AGBL1: variants seen among roughly 807,000 people sequenced by gnomAD.
AGBL1 encodes the protein AGBL carboxypeptidase 1.
AGBL1 carries 130 observed loss-of-function variants against 118.9 expected under a neutral mutation model. The ratio of observed to expected loss-of-function variants is 1.09; its 90% CI spans 0.95 to 1.26. The LOEUF (loss-of-function observed/expected upper bound fraction) is 1.26. Ranked by LOEUF, AGBL1 falls within the 50% of genes most tolerant of loss-of-function variation. The pLI, the probability that AGBL1 is intolerant of heterozygous loss-of-function variation, is 0.00. For synonymous variants in AGBL1, 555 were observed against 478.9 expected, an observed-to-expected ratio of 1.16 and a Z score of -2.08; for missense variants, 1,584 against 1,298.1, an observed-to-expected ratio of 1.22 and a Z score of -3.38.
In AGBL1 at chr15:86,554,459, G is replaced by T; in HGVS notation, c.2916G>T (p.Val972=). The part of the protein sequence containing the change: ...EKSRASTARV[V]VWREMGVSRS... ...CTCGAGCTTCCACGGCCCGGGTGGT[G>T]GTGTGGAGAGAGATGGGGGTGTCCA... The change falls in exon 21 of 23, where the codon GTG becomes GTT. Residue 972 remains valine (V), a synonymous_variant. Transcript: ENST00000614907. 1 of 1,588,472 alleles carries T rather than the reference G, an allele frequency of 6.3e-7. No homozygotes were observed. Among genetic ancestry groups the T allele is most frequent in the South Asian group, 1.2e-5 (1 of 86,762 alleles).
At chr15:86,272,863 C>T (rs1293216080) in intron 15 of AGBL1, among the ~76,000 whole-genome samples, 1 of 152,086 alleles carries the variant, frequency 6.6e-6, no homozygotes, top group African/African-American at 2.4e-5. Flanking sequence ...TTTCCATTCA[C>T]CTAAATGGCA....
chr15:86,367,051 G>T (rs1446406183), intron 17 of AGBL1, among the ~76,000 whole-genome samples: 11 of 152,146 alleles, frequency 7.2e-5, no homozygotes, highest in Non-Finnish European at 1.6e-4. Context: ...GTGTGAATAT[G>T]TGTCTTTTAA....
At chr15:86,093,563 A>G (rs539975347) in intron 1 of AGBL1, among the ~76,000 whole-genome samples, 1 of 152,306 alleles carries the variant, frequency 6.6e-6, no homozygotes, top group Admixed American at 6.5e-5. Flanking sequence ...ATCTACAAGA[A>G]GTGATAAAGT....
chr15:86,486,007 C>G (rs1709412173), intron 18 of AGBL1, among the ~76,000 whole-genome samples: 1 of 152,022 alleles, frequency 6.6e-6, no homozygotes, highest in African/African-American at 2.4e-5. Flanking sequence ...TTGGCATCAC[C>G]TGTATCTGGG....
rs528866303 is a variant in AGBL1 at position 86,322,134 on chromosome 15, T to A, written c.2374+26726T>A. On this transcript the variant is annotated intron_variant, in intron 17 of 22. Transcript: ENST00000614907. ...GAATGTGTACTTTCCAGCTATTGGGTGCATTGTTCTGTATAGCCGATTTAG... is the reference window on the plus strand; with the variant it reads ...GAATGTGTACTTTCCAGCTATTGGGAGCATTGTTCTGTATAGCCGATTTAG... Among the ~76,000 whole-genome samples the A allele has an allele frequency of 6.6e-5, 10 of 151,106 alleles. No individual in the cohort carries two copies. The South Asian group carries it at 2.1e-3, about 32-fold the overall frequency.
chr15:86,394,780 A>C (rs1485501985), intron 17 of AGBL1, among the ~76,000 whole-genome samples: 1 of 152,146 alleles, frequency 6.6e-6, no homozygotes, highest in East Asian at 1.9e-4. Flanking sequence ...CACAAAAACC[A>C]AGTAGGCATT....
intron 18 of AGBL1, among the ~76,000 whole-genome samples, chr15:86,495,484 G>A (rs1035239857): frequency 2.1e-4 from 31 of 149,156 alleles, no homozygotes; most frequent in South Asian, 1.3e-3. Context: ...AGTTTGATAA[G>A]CATTATTTTC....
chr15:86,238,088 C>T (rs1474546968), intron 6 of AGBL1, among the ~76,000 whole-genome samples: 1 of 152,198 alleles, frequency 6.6e-6, no homozygotes, highest in Non-Finnish European at 1.5e-5. Context: ...CTTCCCTGAT[C>T]ATCCAACCTA....
chr15:87,002,810 A>T (rs914204287), intron 24 of AGBL1, among the ~76,000 whole-genome samples: 1 of 152,104 alleles, frequency 6.6e-6, no homozygotes, highest in Non-Finnish European at 1.5e-5. Flanking sequence ...AATGCTTGTG[A>T]TTTTTGCACA....
intron 18 of AGBL1, among the ~76,000 whole-genome samples, chr15:86,486,202 A>G (rs1476238914): frequency 1.3e-5 from 2 of 152,090 alleles, no homozygotes; most frequent in Non-Finnish European, 2.9e-5. Flanking sequence ...CACATGACAA[A>G]TTCTCTATAA....
chr15:86,344,831 T>C (rs887828596), intron 17 of AGBL1, among the ~76,000 whole-genome samples: 2 of 151,984 alleles, frequency 1.3e-5, no homozygotes, highest in South Asian at 2.1e-4. Context: ...CCAGAACCCA[T>C]TGTTGTCAGA....
chr15:86,745,172 A>G (rs1236034376), intron 22 of AGBL1, among the ~76,000 whole-genome samples: 1 of 152,160 alleles, frequency 6.6e-6, no homozygotes, highest in African/African-American at 2.4e-5. Flanking sequence ...CTGGCATATT[A>G]AGAATAAACA....
intron 22 of AGBL1, among the ~76,000 whole-genome samples, chr15:86,870,490 A>AAAAAAAG: frequency 2.4e-5 from 3 of 127,418 alleles, no homozygotes; most frequent in African/African-American, 8.7e-5. Flanking sequence ...AAAAAAAAAA[A>AAAAAAAG]AAAAAAGAAG....
intron 18 of AGBL1, among the ~76,000 whole-genome samples, chr15:86,444,596 T>C (rs2082100130): frequency 6.6e-6 from 1 of 152,086 alleles, no homozygotes; most frequent in African/African-American, 2.4e-5. Context: ...CCAAGGTGGT[T>C]CTTAGGATTC....
intron 24 of AGBL1, among the ~76,000 whole-genome samples, chr15:87,023,097 A>C (rs1305786837): frequency 6.6e-6 from 1 of 152,094 alleles, no homozygotes; most frequent in Non-Finnish European, 1.5e-5. Flanking sequence ...ACAGGCAACA[A>C]ATAGCATGAT....
rs559325818 is a variant in AGBL1, at chr15:86,444,431, TTCACATGAC to T, written c.2555+46888_2555+46896del. The stretch of plus-strand genomic sequence containing the variant: ...CATGATGGGAAAGGACCTGAAAGTT[TTCACATGAC>T]TCTCAGAAGTGGAGAGTTCCTGGAA... On this transcript the variant is annotated intron_variant, in intron 18 of 22. Transcript: ENST00000614907. Among the ~76,000 whole-genome samples, 775 of 152,284 alleles carry T rather than the reference TTCACATGAC, an allele frequency of 5.1e-3. 9 individuals carry two copies. Among genetic ancestry groups the T allele is most frequent in the African/African-American group, 0.018 (743 of 41,568 alleles).
intron 18 of AGBL1, among the ~76,000 whole-genome samples, chr15:86,405,294 G>A (rs1042109411): frequency 2.6e-5 from 4 of 151,848 alleles, no homozygotes; most frequent in African/African-American, 4.8e-5. Flanking sequence ...GGCAGATCAC[G>A]AGGTCAGGAG....
chr15:86,928,638 C>T (rs950179097), intron 23 of AGBL1, among the ~76,000 whole-genome samples: 1 of 152,130 alleles, frequency 6.6e-6, no homozygotes, highest in Non-Finnish European at 1.5e-5. Flanking sequence ...TCTCCAAGTA[C>T]CATGCATGTT....
chr15:86,452,988 A>T (rs2082214601), intron 18 of AGBL1, among the ~76,000 whole-genome samples: 1 of 152,212 alleles, frequency 6.6e-6, no homozygotes, highest in Non-Finnish European at 1.5e-5. Context: ...TCTACATAGC[A>T]CATCCTATAT....
Sources: gnomAD v4.1 joint callset for allele counts (sites outside exome capture counted in the v4.1 genomes callset) on GRCh38, gnomAD v4.1.1 for gene constraint, MANE v1.5 for transcripts, NCBI Gene and HGNC (gene_info 2026-07-23, HGNC 2026-07-21) for gene names.